Variants in DCC observed in about 807,000 individuals in gnomAD.
DCC encodes the protein netrin receptor DCC.
DCC carries 58 observed loss-of-function variants against 172.5 expected under a neutral mutation model. The observed-to-expected ratio is 0.34, with a 90% CI of 0.27 to 0.42. DCC has a LOEUF of 0.42. Ranked by LOEUF, DCC falls within the 10% of genes least tolerant of loss-of-function variation. DCC has a pLI of 1.00. For missense variants in DCC, 1,740 were observed against 1,791.0 expected, an observed-to-expected ratio of 0.97 and a Z score of 0.51; for synonymous variants, 709 against 644.5, an observed-to-expected ratio of 1.10 and a Z score of -1.52.
intron 17 of DCC, among the ~76,000 whole-genome samples, chr18:53,394,580 T>G (rs1400567619): frequency 6.6e-6 from 1 of 152,118 alleles, no homozygotes; most frequent in Non-Finnish European, 1.5e-5. Context: ...TGTTGACTAG[T>G]GCTTACTAGA....
At chr18:52,415,459 C>A (rs1266695191) in intron 1 of DCC, among the ~76,000 whole-genome samples, 1 of 152,140 alleles carries the variant, frequency 6.6e-6, no homozygotes, top group South Asian at 2.1e-4. Context: ...CATATACCAA[C>A]AGCAAGGCAC....
intron 22 of DCC, among the ~76,000 whole-genome samples, chr18:53,448,720 G>A (rs528514033): frequency 6.6e-6 from 1 of 152,236 alleles, no homozygotes; most frequent in East Asian, 1.9e-4. Flanking sequence ...TAGTGTGGTG[G>A]CACATGCCTG....
At chr18:52,360,402 T>C (rs1361913778) in intron 1 of DCC, among the ~76,000 whole-genome samples, 1 of 152,250 alleles carries the variant, frequency 6.6e-6, no homozygotes, top group African/African-American at 2.4e-5. Context: ...AACTCTGTGA[T>C]TCACATATGT....
At chr18:52,886,665 A>AG (rs1038033496) in intron 2 of DCC, among the ~76,000 whole-genome samples, 29 of 152,108 alleles carry the variant, frequency 1.9e-4, no homozygotes, top group African/African-American at 6.3e-4. Context: ...TGCTGGGAAA[A>AG]GGGGGAGGGA....
At chr18:52,798,972 C>T (rs1335188992) in intron 2 of DCC, among the ~76,000 whole-genome samples, 1 of 152,100 alleles carries the variant, frequency 6.6e-6, no homozygotes, top group Admixed American at 6.5e-5. Flanking sequence ...TGGTCTCGAA[C>T]TCCTGACCTT....
At chr18:53,098,130 A>G (rs1324956255) in intron 7 of DCC, among the ~76,000 whole-genome samples, 1 of 152,108 alleles carries the variant, frequency 6.6e-6, no homozygotes, top group Non-Finnish European at 1.5e-5. Context: ...TTATTTGAAT[A>G]TTTTGACTTA....
intron 1 of DCC, among the ~76,000 whole-genome samples, chr18:52,462,229 A>G (rs895206998): frequency 2.0e-5 from 3 of 152,098 alleles, no homozygotes; most frequent in Non-Finnish European, 4.4e-5. Flanking sequence ...GGCCCACTAC[A>G]TCATACACAG....
chr18:52,947,384 T>C (rs2040564839), intron 5 of DCC, among the ~76,000 whole-genome samples: 1 of 152,200 alleles, frequency 6.6e-6, no homozygotes, highest in Admixed American at 6.5e-5. Context: ...TTTCATCATC[T>C]AAGCAAGACC....
At chr18:52,478,470 G>T (rs1448429192) in intron 1 of DCC, among the ~76,000 whole-genome samples, 1 of 152,106 alleles carries the variant, frequency 6.6e-6, no homozygotes, top group African/African-American at 2.4e-5. Flanking sequence ...AGTGTTTACT[G>T]GGCACTTATT....
In DCC at chr18:53,155,674, T is replaced by C. The variant is rs568598530; in HGVS notation, c.1262-1682T>C. Among the ~76,000 whole-genome samples the C allele has an allele frequency of 4.6e-5, 7 of 152,380 alleles. No individual in the cohort carries two copies. In the East Asian group the frequency reaches 1.3e-3, roughly 29 times the overall value. ...CTTTTTGTTAACTTTCATCAGCTTTTCATTTCTGCTCTTAATTTTCTATGG... is the reference window on the plus strand; with the variant it reads ...CTTTTTGTTAACTTTCATCAGCTTTCCATTTCTGCTCTTAATTTTCTATGG... On this transcript the variant is annotated intron_variant, in intron 7 of 28. Transcript: ENST00000442544.
chr18:52,441,237 G>A (rs866595150), intron 1 of DCC, among the ~76,000 whole-genome samples: 1 of 152,146 alleles, frequency 6.6e-6, no homozygotes, highest in Non-Finnish European at 1.5e-5. Flanking sequence ...AATTCTTACA[G>A]CATGATACTG....
chr18:52,549,793 CT>C (rs1253013172), intron 1 of DCC, among the ~76,000 whole-genome samples: 3 of 151,706 alleles, frequency 2.0e-5, no homozygotes, highest in Admixed American at 6.6e-5. Flanking sequence ...TTATTTTATA[CT>C]TTTTTTCTTT....
intron 15 of DCC, among the ~76,000 whole-genome samples, chr18:53,368,304 T>A (rs957276107): frequency 6.6e-6 from 1 of 152,140 alleles, no homozygotes; most frequent in Admixed American, 6.6e-5. Flanking sequence ...TGATGTTGAG[T>A]TTAGGAGTTC....
chr18:52,872,333 G>T (rs184866662), intron 2 of DCC, among the ~76,000 whole-genome samples: 2 of 151,308 alleles, frequency 1.3e-5, no homozygotes, highest in Non-Finnish European at 3.0e-5. Context: ...ATCGACAATG[G>T]TGAATGTTCC....
intron 5 of DCC, among the ~76,000 whole-genome samples, chr18:53,018,628 G>A (rs970736754): frequency 1.3e-5 from 2 of 152,058 alleles, no homozygotes; most frequent in African/African-American, 4.8e-5. Flanking sequence ...AAAAAGACCA[G>A]GGTTTATTAT....
At chr18:53,056,859 T>C (rs1160003846) in intron 5 of DCC, among the ~76,000 whole-genome samples, 1 of 152,068 alleles carries the variant, frequency 6.6e-6, no homozygotes, top group Non-Finnish European at 1.5e-5. Context: ...GAGTGGTTTG[T>C]GCTGCCTATT....
rs547694753 is a variant in DCC, at chr18:52,466,913, T to G, written c.91+126035T>G. Among the ~76,000 whole-genome samples, 201 of 152,296 alleles carry G rather than the reference T, an allele frequency of 1.3e-3. 1 individual carries two copies. The Middle Eastern group carries it at 0.014, about 10-fold the overall frequency. The stretch of plus-strand genomic sequence containing the variant: ...CTAAATTTGGAAGATGAGCAAATCA[T>G]AACCAACTTGCCCAAGCTTACACAG... On this transcript the variant is annotated intron_variant, in intron 1 of 28. Coordinates refer to ENST00000442544, the MANE Select transcript of DCC (RefSeq NM_005215.4).
intron 3 of DCC, among the ~76,000 whole-genome samples, chr18:52,922,276 G>A (rs2040138477): frequency 6.6e-6 from 1 of 152,154 alleles, no homozygotes; most frequent in Non-Finnish European, 1.5e-5. Flanking sequence ...GAATACTTTA[G>A]ATAACAATTA....
intron 8 of DCC, among the ~76,000 whole-genome samples, chr18:53,176,727 G>A (rs2055101535): frequency 6.6e-6 from 1 of 151,546 alleles, no homozygotes; most frequent in South Asian, 2.1e-4. Flanking sequence ...TTACACTGTT[G>A]CTGGGACTGT....
Sources: allele counts gnomAD v4.1 joint callset (sites outside exome capture counted in the v4.1 genomes callset), GRCh38; gene constraint gnomAD v4.1.1; transcripts MANE v1.5; gene names NCBI Gene and HGNC (gene_info 2026-07-23, HGNC 2026-07-21).